The following EGFR variants were observed in gnomAD, a reference collection of about 807,000 sequenced individuals.
EGFR encodes epidermal growth factor receptor, also known as avian erythroblastic leukemia viral (v-erb-b) oncogene homolog.
Under a neutral mutation model 143.0 loss-of-function variants are expected in EGFR, and 58 were observed. The observed-to-expected ratio is 0.41, with a 90% CI of 0.33 to 0.50. The LOEUF is 0.50. EGFR is among the 20% of genes least tolerant of loss of function. The probability of loss-of-function intolerance (pLI) is 0.39; values close to 1 mark genes in which losing one functional copy is unlikely to be tolerated. For synonymous variants in EGFR, 613 were observed against 594.4 expected (o/e 1.03, Z -0.45); for missense variants, 1,307 against 1,579.0 (o/e 0.83, Z 2.92).
Position 55,146,684 on chromosome 7 carries a change from T to C in EGFR, c.503T>C (p.Val168Ala), listed in dbSNP as rs2128929538. Residue 168 changes from valine to alanine, a missense_variant, in exon 4 of 28, where the codon GTC (valine) becomes GCC (alanine). Transcript: ENST00000275493. ...NVESIQWRDI[V>A]SSDFLSNMSM... ...GAGAGCATCCAGTGGCGGGACATAGTCAGCAGTGACTTTCTCAGCAACATG... is the reference window on the plus strand; with the variant it reads ...GAGAGCATCCAGTGGCGGGACATAGCCAGCAGTGACTTTCTCAGCAACATG... The C allele has an allele frequency of 1.2e-6, 2 of 1,614,032 alleles. No homozygotes were observed. Among genetic ancestry groups the C allele is most frequent in the Non-Finnish European group, 1.7e-6 (2 of 1,179,954 alleles).
At chr7:55,137,448 C>T (rs1248523761) in intron 1 of EGFR, among the ~76,000 whole-genome samples, 6 of 152,134 alleles carry the variant, frequency 3.9e-5, no homozygotes, top group South Asian at 2.1e-4. Flanking sequence ...GAGTGGTATA[C>T]ACCCCATAAT....
intron 22 of EGFR, among the ~76,000 whole-genome samples, chr7:55,193,639 T>C (rs924508401): frequency 2.0e-5 from 3 of 152,146 alleles, no homozygotes; most frequent in African/African-American, 7.2e-5. Context: ...ACCCCTTCAC[T>C]GAGGAAAATA....
At chr7:55,124,257 C>A (rs1793387041) in intron 1 of EGFR, among the ~76,000 whole-genome samples, 1 of 152,124 alleles carries the variant, frequency 6.6e-6, no homozygotes, top group Non-Finnish European at 1.5e-5. Context: ...AACCTTTGTT[C>A]CAACATGTTT....
At chr7:55,112,603 A>G (rs996658886) in intron 1 of EGFR, among the ~76,000 whole-genome samples, 3 of 152,142 alleles carry the variant, frequency 2.0e-5, no homozygotes, top group Admixed American at 2.0e-4. Flanking sequence ...TGGCTGGCCG[A>G]GCCTCAGCAG....
intron 3 of EGFR, among the ~76,000 whole-genome samples, chr7:55,144,659 G>A (rs531439459): frequency 1.3e-5 from 2 of 152,100 alleles, no homozygotes; most frequent in Non-Finnish European, 2.9e-5. Flanking sequence ...CAGAGCAGCC[G>A]CGCACATGCT....
intron 1 of EGFR, among the ~76,000 whole-genome samples, chr7:55,071,165 G>A (rs747637220): frequency 2.6e-5 from 4 of 152,214 alleles, no homozygotes; most frequent in Non-Finnish European, 5.9e-5. Context: ...AAGTAGAAAG[G>A]AATTTGGAGG....
intron 19 of EGFR, 152 bp from the exon 20 acceptor site, chr7:55,181,141 G>A: frequency 1.0e-6 from 1 of 969,478 alleles, no homozygotes. Flanking sequence ...ACGTCCCTGT[G>A]CTAGGTCTTT....
At chr7:55,200,467 C>T (rs1787798559) in intron 24 of EGFR, 54 bp downstream of exon 24, 3 of 1,538,012 alleles carry the variant, frequency 2.0e-6, no homozygotes, top group African/African-American at 1.4e-5. Flanking sequence ...ATGAGCATCT[C>T]ATGTCACTGT....
intron 1 of EGFR, among the ~76,000 whole-genome samples, chr7:55,065,720 C>T (rs1789456095): frequency 6.6e-6 from 1 of 152,086 alleles, no homozygotes; most frequent in African/African-American, 2.4e-5. Flanking sequence ...GGCTGTGTTT[C>T]CCCAGAGAAA....
rs542733909 is a variant in EGFR at position 55,210,314 on chromosome 7, A to C, written c.*4697A>C. ...TGGAGAGCCTAATAATGTTCAGCAC[A>C]CTTTGGTTAGTTCACCAACAGTCTT... On this transcript the variant is annotated 3_prime_UTR_variant, in exon 28 of 28. Transcript: ENST00000275493. 7.9e-5 allele frequency: 12 copies of C among 152,318 alleles called. No homozygotes were observed. In the South Asian group the frequency reaches 2.3e-3, roughly 29 times the overall value. The allele number at this position is 152,318 out of a possible 1,614,324, so 9.4% of individuals were successfully genotyped here. A position where few individuals can be genotyped will look rare whatever the true frequency, so the allele number is the denominator to read the frequency against.
At chr7:55,109,761 A>G (rs1415833775) in intron 1 of EGFR, 3 of 985,286 alleles carry the variant, frequency 3.0e-6, no homozygotes, top group African/African-American at 1.7e-5. Flanking sequence ...TATTTCCATG[A>G]CAAAAGGGCC....
rs116659192 is a variant in EGFR, at chr7:55,126,403, C to T, written c.89-15883C>T. On this transcript the variant is annotated intron_variant, in intron 1 of 27. Transcript: ENST00000275493. Reference sequence around the variant, plus strand: ...TTGTGCAAATATTAACAATTTAATCCTTGCAACAATCCACGAGGGAGGCAT... The same window carrying T: ...TTGTGCAAATATTAACAATTTAATCTTTGCAACAATCCACGAGGGAGGCAT... Among the ~76,000 whole-genome samples, 1,218 of 152,316 alleles carry T rather than the reference C, an allele frequency of 8.0e-3. 19 individuals carry two copies. Among genetic ancestry groups the T allele is most frequent in the African/African-American group, 0.028 (1,147 of 41,578 alleles).
intron 1 of EGFR, among the ~76,000 whole-genome samples, chr7:55,124,539 G>T: frequency 6.6e-6 from 1 of 152,200 alleles, no homozygotes; most frequent in East Asian, 1.9e-4. Context: ...GGATTTTCAT[G>T]AAATCTGCAT....
chr7:55,035,510 TAA>T (rs35679531), intron 1 of EGFR, among the ~76,000 whole-genome samples: 15 of 139,906 alleles, frequency 1.1e-4, no homozygotes, highest in Admixed American at 2.1e-4. Flanking sequence ...CCGTCTTCAC[TAA>T]AAAAAAAAAA....
chr7:55,033,434 C>G (rs1787379675), intron 1 of EGFR, among the ~76,000 whole-genome samples: 1 of 152,134 alleles, frequency 6.6e-6, no homozygotes, highest in Non-Finnish European at 1.5e-5. Flanking sequence ...CCCCTGGGGA[C>G]TGCAGGGGAT....
intron 1 of EGFR, among the ~76,000 whole-genome samples, chr7:55,134,082 C>T (rs964691621): frequency 5.3e-5 from 8 of 152,206 alleles, no homozygotes; most frequent in Non-Finnish European, 8.8e-5. Flanking sequence ...GATTTTGAAT[C>T]GAAGCCAGCA....
chr7:55,027,094 G>A (rs1030738180), intron 1 of EGFR, among the ~76,000 whole-genome samples: 3 of 152,270 alleles, frequency 2.0e-5, no homozygotes, highest in East Asian at 1.9e-4. Context: ...CAGGCACATC[G>A]CATGCTGGGA....
chr7:55,027,994 A>G (rs1562650511), intron 1 of EGFR, among the ~76,000 whole-genome samples: 1 of 55,108 alleles, frequency 1.8e-5, no homozygotes, highest in Non-Finnish European at 4.1e-5. Flanking sequence ...AAAAAAAAAT[A>G]TATATATATA....
At chr7:55,027,720 G>A (rs942244394) in intron 1 of EGFR, among the ~76,000 whole-genome samples, 1 of 151,994 alleles carries the variant, frequency 6.6e-6, no homozygotes, top group Non-Finnish European at 1.5e-5. Flanking sequence ...AGAGAGAAAT[G>A]AAACAAAAGT....
Sources: allele counts gnomAD v4.1 joint callset (sites outside exome capture counted in the v4.1 genomes callset), GRCh38; gene constraint gnomAD v4.1.1; transcripts MANE v1.5; gene names NCBI Gene and HGNC (gene_info 2026-07-23, HGNC 2026-07-21).